TSHZ2: variants seen among roughly 807,000 people sequenced by gnomAD.
TSHZ2 encodes the protein teashirt zinc finger homeobox 2, also known as teashirt homolog 2.
A neutral mutation model predicts 74.4 loss-of-function variants in TSHZ2; 21 were observed. The observed-to-expected ratio is 0.28, with a 90% CI of 0.20 to 0.41. TSHZ2 has a LOEUF of 0.41. TSHZ2 is among the 10% of genes least tolerant of loss of function. TSHZ2 has a pLI of 1.00. For synonymous variants in TSHZ2, 540 were observed against 515.3 expected (o/e 1.05, Z -0.65); for missense variants, 1,244 against 1,293.5 (o/e 0.96, Z 0.59).
At chr20:53,237,888 C>T (rs1327668287) in intron 1 of TSHZ2, among the ~76,000 whole-genome samples, 1 of 152,078 alleles carries the variant, frequency 6.6e-6, no homozygotes, top group Non-Finnish European at 1.5e-5. Flanking sequence ...TGCAACCGTA[C>T]TCGAGACGGG....
At chr20:53,085,372 A>AAGAG (rs145856132) in intron 1 of TSHZ2, among the ~76,000 whole-genome samples, 8 of 150,640 alleles carry the variant, frequency 5.3e-5, no homozygotes, top group East Asian at 1.9e-4. Flanking sequence ...CTCAAAAAGA[A>AAGAG]AGAGAGAGAG....
At chr20:53,196,183 C>G (rs1183343733) in intron 1 of TSHZ2, 1 of 151,878 alleles carries the variant, frequency 6.6e-6, no homozygotes, top group Non-Finnish European at 1.5e-5. Flanking sequence ...TAGGCGCTGA[C>G]AATAAGGAAG....
chr20:53,372,463 T>G (rs1214374577), intron 2 of TSHZ2, among the ~76,000 whole-genome samples: 1 of 150,814 alleles, frequency 6.6e-6, no homozygotes, highest in Non-Finnish European at 1.5e-5. Flanking sequence ...GGTGACAGAG[T>G]GAGATCTTGT....
chr20:52,977,587 C>T (rs1261578897), intron 1 of TSHZ2, among the ~76,000 whole-genome samples: 1 of 152,098 alleles, frequency 6.6e-6, no homozygotes, highest in Non-Finnish European at 1.5e-5. Context: ...GCTTGGTCCA[C>T]ACAACATTTT....
chr20:53,050,530 C>T (rs182582990), intron 1 of TSHZ2, among the ~76,000 whole-genome samples: 23 of 152,270 alleles, frequency 1.5e-4, no homozygotes, highest in Middle Eastern at 3.4e-3. Flanking sequence ...ATGTCTTGCC[C>T]GCACGGGGCT....
chr20:53,304,938 CTT>C (rs145371174), intron 2 of TSHZ2, among the ~76,000 whole-genome samples: 10 of 122,564 alleles, frequency 8.2e-5, no homozygotes, highest in Non-Finnish European at 7.0e-5. Context: ...CCTTAATGAA[CTT>C]TTTTTTTTTT....
chr20:52,997,851 G>T (rs1380587817), intron 1 of TSHZ2, among the ~76,000 whole-genome samples: 1 of 152,102 alleles, frequency 6.6e-6, no homozygotes, highest in Admixed American at 6.5e-5. Flanking sequence ...AAATCTCTTT[G>T]CCTAAACTCC....
intron 2 of TSHZ2, among the ~76,000 whole-genome samples, chr20:53,392,730 T>C (rs568359898): frequency 6.6e-6 from 1 of 152,316 alleles, no homozygotes; most frequent in South Asian, 2.1e-4. Flanking sequence ...CTATATTTCT[T>C]TGGGGTACCT....
chr20:53,118,169 G>A (rs1022761368), intron 1 of TSHZ2, among the ~76,000 whole-genome samples: 3 of 152,346 alleles, frequency 2.0e-5, no homozygotes, highest in East Asian at 1.9e-4. Context: ...GCTGGCTTAC[G>A]CTATATGGGT....
At chr20:53,299,520 T>C (rs1336482200) in intron 2 of TSHZ2, among the ~76,000 whole-genome samples, 1 of 152,238 alleles carries the variant, frequency 6.6e-6, no homozygotes, top group African/African-American at 2.4e-5. Flanking sequence ...GTCATTAACG[T>C]CATCTTTTTT....
intron 1 of TSHZ2, chr20:53,185,677 G>T (rs192143423): frequency 6.5e-7 from 1 of 1,535,856 alleles, no homozygotes; most frequent in East Asian, 2.4e-5. Flanking sequence ...CATTATACAG[G>T]TACAACAGTT....
At chr20:53,373,528 T>C (rs1426905256) in intron 2 of TSHZ2, among the ~76,000 whole-genome samples, 2 of 152,232 alleles carry the variant, frequency 1.3e-5, no homozygotes, top group Non-Finnish European at 2.9e-5. Context: ...TCTTGTGTTC[T>C]CAATCCAGTG....
intron 1 of TSHZ2, among the ~76,000 whole-genome samples, chr20:53,135,100 A>G (rs1987212481): frequency 6.6e-6 from 1 of 152,126 alleles, no homozygotes; most frequent in Admixed American, 6.6e-5. Context: ...GCATCCTCCA[A>G]GAAAGAAGAC....
At chr20:53,058,436 G>C (rs937138881) in intron 1 of TSHZ2, among the ~76,000 whole-genome samples, 1 of 152,218 alleles carries the variant, frequency 6.6e-6, no homozygotes, top group African/African-American at 2.4e-5. Context: ...CAGTTTGTGA[G>C]GCCTGATGCA....
intron 1 of TSHZ2, among the ~76,000 whole-genome samples, chr20:53,212,889 G>A (rs900241853): frequency 9.9e-5 from 15 of 152,152 alleles, no homozygotes; most frequent in African/African-American, 2.4e-4. Flanking sequence ...GGGGGATGAC[G>A]TGCTCCAAAA....
intron 1 of TSHZ2, chr20:53,178,574 A>G (rs1479851204): frequency 1.3e-5 from 2 of 152,214 alleles, no homozygotes; most frequent in Admixed American, 1.3e-4. Context: ...CGCATATTAA[A>G]TGTACACACA....
At chr20:53,155,075 T>TA (rs899031417) in intron 1 of TSHZ2, among the ~76,000 whole-genome samples, 4 of 133,414 alleles carry the variant, frequency 3.0e-5, no homozygotes, top group African/African-American at 1.4e-4. Flanking sequence ...TTTTTTTTTT[T>TA]AGTTTTGTCA....
intron 1 of TSHZ2, among the ~76,000 whole-genome samples, chr20:53,022,492 C>G (rs1181544946): frequency 6.6e-6 from 1 of 152,132 alleles, no homozygotes. Context: ...TAAATTTACC[C>G]AGAGAAAGTG....
At chr20:53,001,945 A>G (rs1162595873) in intron 1 of TSHZ2, among the ~76,000 whole-genome samples, 2 of 152,178 alleles carry the variant, frequency 1.3e-5, no homozygotes, top group South Asian at 2.1e-4. Flanking sequence ...TGACCTTTTT[A>G]TCAAGGCTTA....
Sources: allele counts gnomAD v4.1 joint callset (sites outside exome capture counted in the v4.1 genomes callset), GRCh38; gene constraint gnomAD v4.1.1; transcripts MANE v1.5; gene names NCBI Gene and HGNC (gene_info 2026-07-23, HGNC 2026-07-21).